The following THRB variants were observed in gnomAD, a reference collection of about 807,000 sequenced individuals.
The protein encoded by THRB is nuclear receptor subfamily 1 group A member 2.
In THRB, 12 loss-of-function variants were observed where a neutral mutation model predicts 47.8. The ratio of observed to expected loss-of-function variants is 0.25; its 90% CI spans 0.16 to 0.41. The LOEUF is 0.41. THRB is among the 10% of genes least tolerant of loss of function. The pLI, the probability that THRB is intolerant of heterozygous loss-of-function variation, is 1.00. For synonymous variants in THRB, 218 were observed against 212.2 expected, an observed-to-expected ratio of 1.03 and a Z score of -0.24; for missense variants, 348 against 589.2, an observed-to-expected ratio of 0.59 and a Z score of 4.24.
chr3:24,159,419 C>A (rs2038411496), intron 5 of THRB, among the ~76,000 whole-genome samples: 1 of 152,068 alleles, frequency 6.6e-6, no homozygotes, highest in Admixed American at 6.5e-5. Context: ...TGAGGGGAAC[C>A]CAAATCCCAA....
At chr3:24,153,507 A>G (rs1444108599) in intron 5 of THRB, among the ~76,000 whole-genome samples, 1 of 152,334 alleles carries the variant, frequency 6.6e-6, no homozygotes, top group East Asian at 1.9e-4. Context: ...AAAAAAGGAA[A>G]ATCCAACTAT....
chr3:24,330,314 A>C (rs571345853), intron 2 of THRB, among the ~76,000 whole-genome samples: 1 of 149,154 alleles, frequency 6.7e-6, no homozygotes, highest in African/African-American at 2.5e-5. Context: ...ACTCCGTCTC[A>C]AATAAAAAAA....
intron 5 of THRB, among the ~76,000 whole-genome samples, chr3:24,177,653 A>G: frequency 6.6e-6 from 1 of 152,226 alleles, no homozygotes; most frequent in East Asian, 1.9e-4. Flanking sequence ...GCGATGTCTG[A>G]ATTGGGCCTT....
At chr3:24,245,490 G>T (rs1172622420) in intron 3 of THRB, among the ~76,000 whole-genome samples, 3 of 152,122 alleles carry the variant, frequency 2.0e-5, no homozygotes, top group African/African-American at 7.2e-5. Context: ...AGTGCAGAGG[G>T]CCATTAGTGT....
chr3:24,382,733 A>G (rs2149863639), intron 1 of THRB, among the ~76,000 whole-genome samples: 1 of 152,234 alleles, frequency 6.6e-6, no homozygotes, highest in African/African-American at 2.4e-5. Context: ...TGTGTGCTTC[A>G]TTTTCCAAAA....
chr3:24,277,520 G>T (rs1022904309), intron 3 of THRB, among the ~76,000 whole-genome samples: 10 of 152,194 alleles, frequency 6.6e-5, no homozygotes, highest in African/African-American at 2.4e-4. Context: ...GTTCCCCGGT[G>T]ATGCTGATGC....
chr3:24,484,216 T>C (rs912996345), intron 1 of THRB: 14 of 152,212 alleles, frequency 9.2e-5, no homozygotes, highest in African/African-American at 3.4e-4. Context: ...GTGCAGATGG[T>C]GTTTTACTAA....
intron 1 of THRB, among the ~76,000 whole-genome samples, chr3:24,419,094 C>T (rs2069005401): frequency 6.6e-6 from 1 of 151,902 alleles, no homozygotes; most frequent in Non-Finnish European, 1.5e-5. Flanking sequence ...AGAGCAATAG[C>T]TAGGACATGG....
chr3:24,430,506 A>G (rs1371771137), intron 1 of THRB, among the ~76,000 whole-genome samples: 2 of 152,076 alleles, frequency 1.3e-5, no homozygotes, highest in African/African-American at 4.8e-5. Flanking sequence ...ACGTAAAGAC[A>G]ACATTTTTAA....
chr3:24,321,542 G>C (rs892110919), intron 2 of THRB, among the ~76,000 whole-genome samples: 1 of 152,074 alleles, frequency 6.6e-6, no homozygotes, highest in East Asian at 1.9e-4. Context: ...ATGGCAGTTT[G>C]GGATGATTTT....
At chr3:24,345,828 T>G (rs1286149266) in intron 1 of THRB, among the ~76,000 whole-genome samples, 6 of 152,090 alleles carry the variant, frequency 3.9e-5, no homozygotes, top group Non-Finnish European at 7.4e-5. Context: ...TTGGATTGGT[T>G]CATTGTATTG....
chr3:24,157,390 G>C (rs2038025646), intron 5 of THRB, among the ~76,000 whole-genome samples: 1 of 152,006 alleles, frequency 6.6e-6, no homozygotes, highest in Non-Finnish European at 1.5e-5. Flanking sequence ...TCTAGAAAAG[G>C]GGATGAGGAT....
intron 8 of THRB, among the ~76,000 whole-genome samples, chr3:24,143,147 C>T (rs1252262072): frequency 6.6e-6 from 1 of 152,090 alleles, no homozygotes; most frequent in Admixed American, 6.6e-5. Context: ...ATATACTGGG[C>T]ATCTAAGGAA....
At chr3:24,143,907 C>A in intron 7 of THRB, 1 of 616,750 alleles carries the variant, frequency 1.6e-6, no homozygotes. Flanking sequence ...GTCTCTAGAG[C>A]CAAACTCCCC....
chr3:24,325,715 T>A (rs1228335028), intron 2 of THRB, among the ~76,000 whole-genome samples: 1 of 152,170 alleles, frequency 6.6e-6, no homozygotes, highest in Non-Finnish European at 1.5e-5. Context: ...CACTTGCTGT[T>A]GTCTTTGATG....
chr3:24,245,588 C>T (rs761977405), intron 3 of THRB, among the ~76,000 whole-genome samples: 4 of 152,250 alleles, frequency 2.6e-5, no homozygotes, highest in South Asian at 2.1e-4. Context: ...ACAGGGACCA[C>T]GCCAATTTTC....
chr3:24,304,584 G>T (rs1256774790), intron 2 of THRB, among the ~76,000 whole-genome samples: 1 of 151,806 alleles, frequency 6.6e-6, no homozygotes, highest in African/African-American at 2.4e-5. Flanking sequence ...CATTACTGAA[G>T]AACTAAGACG....
chr3:24,285,500 T>G (rs909290266), intron 3 of THRB, among the ~76,000 whole-genome samples: 3 of 150,370 alleles, frequency 2.0e-5, no homozygotes, highest in Non-Finnish European at 3.0e-5. Context: ...AGTTAGTGGG[T>G]GCAGCACACC....
chr3:24,431,017 G>A (rs2070337293), intron 1 of THRB: 1 of 152,126 alleles, frequency 6.6e-6, no homozygotes, highest in Non-Finnish European at 1.5e-5. Flanking sequence ...AATGCAGTCA[G>A]AATGAAGATT....
Sources: gnomAD v4.1 joint callset for allele counts (sites outside exome capture counted in the v4.1 genomes callset) on GRCh38, gnomAD v4.1.1 for gene constraint, MANE v1.5 for transcripts, NCBI Gene and HGNC (gene_info 2026-07-23, HGNC 2026-07-21) for gene names.